ABCA2: variants seen among roughly 807,000 people sequenced by gnomAD.
ABCA2 encodes the protein ATP-binding cassette sub-family A member 2.
ABCA2 carries 84 observed loss-of-function variants against 262.8 expected under a neutral mutation model. That is an observed-to-expected ratio of 0.32 (90% CI 0.27 to 0.38). The LOEUF is 0.38. Ranked by LOEUF, ABCA2 falls within the 10% of genes least tolerant of loss-of-function variation. The probability of loss-of-function intolerance (pLI) is 1.00; values close to 1 mark genes in which losing one functional copy is unlikely to be tolerated. For synonymous variants in ABCA2, 1,696 were observed against 1,502.9 expected (o/e 1.13, Z -2.97); for missense variants, 2,662 against 3,405.9 (o/e 0.78, Z 5.44).
chr9:137,011,917 T>C lies in ABCA2; in HGVS notation c.5462A>G (p.Lys1821Arg). The C allele has an allele frequency of 6.2e-7, 1 of 1,612,604 alleles. No individual in the cohort carries two copies. Among genetic ancestry groups the C allele is most frequent in the Non-Finnish European group, 8.5e-7 (1 of 1,179,902 alleles). ...GCTGACAAACTGCAGGTGCTTGGCC[T>C]TGGTGGACTTCTCGGCCACGAGGAA... ...VVFLVAEKST[K>R]AKHLQFVSGC... The change falls in exon 35 of 49, where the codon AAG (lysine) becomes AGG (arginine). Residue 1821 changes from lysine (K) to arginine (R), a missense_variant. Physicochemically the swap from Lys to Arg is conservative, Grantham distance 26. Transcript: ENST00000341511. This position sits in a 1 kb window ranked among gnomAD's most constrained non-coding sequence, Gnocchi z 8.8.
At position 137,017,392 on chromosome 9, in the gene ABCA2, G is replaced by A. The variant is rs376429925; in HGVS notation, c.2403-46C>T. 62 of 1,607,942 alleles carry A rather than the reference G, an allele frequency of 3.9e-5. 1 individual carries two copies. The East Asian group carries it at 7.1e-4, about 19-fold the overall frequency. ...CGCACCGTCATCCACCCGCACGCCC[G>A]GCCTCCTGGGCAGGCCCGTGCCAGG... On this transcript the variant is annotated intron_variant, in intron 17 of 48. Coordinates refer to ENST00000341511, the MANE Select transcript of ABCA2 (RefSeq NM_001606.5).
intron 28 of ABCA2, 78 bp downstream of exon 28, chr9:137,013,754 A>G: frequency 6.7e-7 from 1 of 1,485,038 alleles, no homozygotes; most frequent in Non-Finnish European, 9.1e-7. Context: ...CAGGAAGCTC[A>G]GGAGTGGGCA....
In ABCA2 at chr9:137,016,968, C is replaced by A; in HGVS notation, c.2710G>T (p.Ala904Ser). The change falls in exon 19 of 49, where the codon GCC becomes TCC. Residue 904 changes from alanine to serine, a missense_variant. Around this residue, in one of 12 missense-constraint regions of ABCA2, gnomAD observed 133 missense variants for 150.8 expected, o/e 0.88. Transcript: ENST00000341511. ...CACGTGAGGATGCCATAGACCACGGCGTCCACCATCAGCATGGTGACAGCC... is the reference window on the plus strand; with the variant it reads ...CACGTGAGGATGCCATAGACCACGGAGTCCACCATCAGCATGGTGACAGCC... ...LLAVTMLMVD[A>S]VVYGILTWYI... is the part of the protein sequence containing the mutation. 6.2e-7 allele frequency: 1 copy of A among 1,612,806 alleles called. No individual in the cohort carries two copies. Among genetic ancestry groups the A allele is most frequent in the Non-Finnish European group, 8.5e-7 (1 of 1,180,008 alleles).
chr9:137,016,463 G>T lies in ABCA2; in HGVS notation c.2932C>A (p.Arg978Ser). 6.2e-7 allele frequency: 1 copy of T among 1,612,762 alleles called. No homozygotes were observed. Among genetic ancestry groups the T allele is most frequent in the Non-Finnish European group, 8.5e-7 (1 of 1,179,958 alleles). ...TGGGTGGGCTCCTCCTCCATGCCACGGGTCTCCTCTGCACCAGGGCTGTGG... is the reference window on the plus strand; with the variant it reads ...TGGGTGGGCTCCTCCTCCATGCCACTGGTCTCCTCTGCACCAGGGCTGTGG... ...AMESRRFEET[R>S]GMEEEPTHLP... Residue 978 changes from arginine to serine, a missense_variant, in exon 21 of 49, where the codon CGT becomes AGT. Coordinates refer to ENST00000341511, the MANE Select transcript of ABCA2 (RefSeq NM_001606.5).
In ABCA2 at chr9:137,017,566, G is replaced by A. The variant is rs1361310162; in HGVS notation, c.2338C>T (p.His780Tyr). 6.2e-7 allele frequency: 1 copy of A among 1,612,538 alleles called. No homozygotes were observed. The highest frequency in any genetic ancestry group is 1.7e-5 in the Admixed American group (1 of 60,008). The change falls in exon 17 of 49, where the codon CAC (histidine) becomes TAC (tyrosine). Residue 780 changes from histidine (H) to tyrosine (Y), a missense_variant. His to Tyr is a moderately conservative substitution (Grantham distance 83). Transcript: ENST00000341511. ...AGCCAGATGATGACCACGTGGCTGT[G>A]CATAAGCACCTGGCCGTACTTCAGG... ...AILKYGQVLM[H>Y]SHVVIIWLFL...
At position 137,022,057 on chromosome 9, in the gene ABCA2, T is replaced by TG. The variant is rs1301839716; in HGVS notation, c.568-57dup. 1.1e-3 allele frequency: 166 copies of TG among 146,860 alleles called. 2 individuals carry two copies. In the African/African-American group the frequency reaches 0.015, roughly 13 times the overall value. The allele number at this position is 146,860 out of a possible 1,614,324, so 9.1% of individuals were successfully genotyped here. On this transcript the variant is annotated intron_variant, in intron 6 of 48. Coordinates refer to ENST00000341511, the MANE Select transcript of ABCA2 (RefSeq NM_001606.5). Reference sequence around the variant, plus strand: ...GGTGTGGGGGGCGTGGCTCAGATGGTGGGGGCGTGGCTCCGATGGACGTGT... The same window carrying TG: ...GGTGTGGGGGGCGTGGCTCAGATGGTGGGGGGCGTGGCTCCGATGGACGTGT...
intron 48 of ABCA2, 108 bp from the exon 49 acceptor site, chr9:137,008,072 C>T (rs916037490): frequency 2.0e-5 from 27 of 1,380,626 alleles, no homozygotes; most frequent in Middle Eastern, 2.4e-4. Context: ...TGGGCCTGGA[C>T]GCAGGGTCTC....
At chr9:137,016,230 C>T (rs1407103602) in intron 21 of ABCA2, 56 bp from the exon 22 acceptor site, 2 of 1,610,338 alleles carry the variant, frequency 1.2e-6, no homozygotes, top group Non-Finnish European at 1.7e-6. Context: ...CCCACCCTGC[C>T]CTGACTAGGA....
chr9:137,010,597 C>G, intron 40 of ABCA2, 23 bp downstream of exon 40: 1 of 1,506,090 alleles, frequency 6.6e-7, no homozygotes, highest in Non-Finnish European at 9.2e-7. Flanking sequence ...ACCCAGGCCC[C>G]ACCCTACATG....
In ABCA2 at chr9:137,011,728, T is replaced by A; in HGVS notation, c.5557A>T (p.Thr1853Ser). The change falls in exon 36 of 49, where the codon ACC (threonine) becomes TCC (serine). Residue 1853 changes from threonine (T) to serine (S), a missense_variant. Thr to Ser is a moderately conservative substitution (Grantham distance 58). Coordinates refer to ENST00000341511, the MANE Select transcript of ABCA2 (RefSeq NM_001606.5). The surrounding 1 kb of genome is among the most constrained non-coding windows in gnomAD (Gnocchi z 8.8). ...ACAAACAGGATGATGACACAGCAGG[T>A]AGCGGGGACCAGGTAGTTGAGCTGC... ...WDMLNYLVPA[T>S]CCVIILFVFD... is the part of the protein sequence containing the mutation. 6.4e-7 allele frequency: 1 copy of A among 1,551,588 alleles called. No individual in the cohort carries two copies. Among genetic ancestry groups the A allele is most frequent in the Non-Finnish European group, 8.7e-7 (1 of 1,148,320 alleles).
chr9:137,022,122 TGGGGGCG>T, intron 6 of ABCA2, 121 bp from the exon 7 acceptor site: 1 of 120,902 alleles, frequency 8.3e-6, no homozygotes, highest in Non-Finnish European at 1.3e-5. Flanking sequence ...GCTCAGAGAG[TGGGGGCG>T]TGGCTCAGAT....
intron 34 of ABCA2, 21 bp downstream of exon 34, chr9:137,012,081 T>C: frequency 6.2e-7 from 1 of 1,612,292 alleles, no homozygotes; most frequent in Non-Finnish European, 8.5e-7. Context: ...CCCCACCTCA[T>C]CCCCCACTGG....
Position 137,016,965 on chromosome 9 carries a change from C to A in ABCA2, c.2713G>T (p.Val905Leu). ...TACCACGTGAGGATGCCATAGACCA[C>A]GGCGTCCACCATCAGCATGGTGACA... ...LAVTMLMVDA[V>L]VYGILTWYIE... Residue 905 changes from valine (V) to leucine (L), a missense_variant, in exon 19 of 49, where the codon GTG becomes TTG. Coordinates refer to ENST00000341511, the MANE Select transcript of ABCA2 (RefSeq NM_001606.5). 1 of 1,612,772 alleles carries A rather than the reference C, an allele frequency of 6.2e-7. No homozygotes were observed. The highest frequency in any genetic ancestry group is 8.5e-7 in the Non-Finnish European group (1 of 1,179,988).
At chr9:137,012,212 G>GC in intron 33 of ABCA2, 50 bp from the exon 34 acceptor site, 20 of 930,098 alleles carry the variant, frequency 2.2e-5, no homozygotes, top group South Asian at 5.6e-5. Flanking sequence ...GCTCCTCCCC[G>GC]CCCCGGCCCC....
In ABCA2 at chr9:137,016,401, C is replaced by G; in HGVS notation, c.2994G>C (p.Lys998Asn). 1 of 1,612,902 alleles carries G rather than the reference C, an allele frequency of 6.2e-7. No homozygotes were observed. The change falls in exon 21 of 49, where the codon AAG (lysine) becomes AAC (asparagine). Residue 998 changes from lysine to asparagine, a missense_variant. Transcript: ENST00000341511. The stretch of plus-strand genomic sequence containing the variant: ...CCAGCTTCTTGTCGTCCTTGTAGAC[C>G]TTGGTGAGTTTGTCCACGCAGACAA... ...PLVVCVDKLTKVYKDDKKLAL... is the reference protein window; with the variant it reads ...PLVVCVDKLTNVYKDDKKLAL...
intron 47 of ABCA2, 48 bp downstream of exon 47, chr9:137,008,683 G>A: frequency 1.3e-6 from 2 of 1,563,040 alleles, no homozygotes; most frequent in Non-Finnish European, 1.7e-6. Flanking sequence ...GGGCAGGGCG[G>A]GTGAGGGGAG....
chr9:137,011,196 G>A lies in ABCA2; in HGVS notation c.5913C>T (p.Tyr1971=), dbSNP rs368837235. 56 of 1,612,442 alleles carry A rather than the reference G, an allele frequency of 3.5e-5. No individual in the cohort carries two copies. The highest frequency in any genetic ancestry group is 5.3e-5 in the African/African-American group (4 of 74,882). ...CACGGGCCCCCTCACCAATCTTGGCGTAGTACTCGTTGATGTACTCGTTGT... is the reference window on the plus strand; with the variant it reads ...CACGGGCCCCCTCACCAATCTTGGCATAGTACTCGTTGATGTACTCGTTGT... The part of the protein sequence containing the change: ...MAYNEYINEY[Y]AKIGQFDKMK... The change falls in exon 38 of 49, where the codon TAC becomes TAT. Residue 1971 remains tyrosine, a synonymous_variant. Transcript: ENST00000341511. This position sits in a 1 kb window ranked among gnomAD's most constrained non-coding sequence, Gnocchi z 8.8.
Position 137,021,084 on chromosome 9 carries a change from G to T in ABCA2, c.898-23C>A. The T allele has an allele frequency of 6.8e-7, 1 of 1,465,386 alleles. No individual in the cohort carries two copies. 90.8% of individuals were successfully genotyped at this position (1,465,386 alleles called of 1,614,324 possible). On this transcript the variant is annotated intron_variant, in intron 8 of 48. Transcript: ENST00000341511. This position sits in a 1 kb window ranked among gnomAD's most constrained non-coding sequence, Gnocchi z 6.0. ...CAGCTGAGGGGAAACAGGCACGTGGGCAGTGCGGGGTGAGATGGACTGCAG... is the reference window on the plus strand; with the variant it reads ...CAGCTGAGGGGAAACAGGCACGTGGTCAGTGCGGGGTGAGATGGACTGCAG...
chr9:137,018,683 G>C, intron 13 of ABCA2, 36 bp downstream of exon 13: 1 of 1,543,764 alleles, frequency 6.5e-7, no homozygotes, highest in South Asian at 1.2e-5. Context: ...GAAGAGGTCT[G>C]TGGGGGGCTG....
Sources: gnomAD v4.1 joint callset for allele counts on GRCh38, gnomAD v4.1.1 for gene constraint, gnomAD v4.1.1 regional missense constraint, Gnocchi (gnomAD v3.1) non-coding constraint, MANE v1.5 for transcripts, NCBI Gene and HGNC (gene_info 2026-07-23, HGNC 2026-07-21) for gene names.